MPP7: variants seen among roughly 807,000 people sequenced by gnomAD.
The protein encoded by MPP7 is MAGUK p55 subfamily member 7.
Under a neutral mutation model 76.5 loss-of-function variants are expected in MPP7, and 60 were observed. That is an observed-to-expected ratio of 0.78 (90% CI 0.64 to 0.97). The LOEUF is 0.97. Ranked by LOEUF, MPP7 falls within the 50% of genes least tolerant of loss-of-function variation. The probability of loss-of-function intolerance (pLI) is 0.00; values close to 1 mark genes in which losing one functional copy is unlikely to be tolerated. For synonymous variants in MPP7, 237 were observed against 244.5 expected, an observed-to-expected ratio of 0.97 and a Z score of 0.29; for missense variants, 641 against 694.0, an observed-to-expected ratio of 0.92 and a Z score of 0.86.
chr10:28,086,534 G>A (rs964931487), intron 12 of MPP7, among the ~76,000 whole-genome samples: 7 of 152,284 alleles, frequency 4.6e-5, no homozygotes, highest in Non-Finnish European at 7.3e-5. Context: ...CAGGAGAAGC[G>A]AAAATACCTC....
intron 5 of MPP7, among the ~76,000 whole-genome samples, chr10:28,137,719 T>C (rs1289318956): frequency 6.6e-6 from 1 of 152,242 alleles, no homozygotes; most frequent in Non-Finnish European, 1.5e-5. Flanking sequence ...TTCTTTAATA[T>C]ACAGACTTGC....
At chr10:28,113,849 A>G (rs1834579258) in intron 11 of MPP7, among the ~76,000 whole-genome samples, 1 of 152,214 alleles carries the variant, frequency 6.6e-6, no homozygotes, top group South Asian at 2.1e-4. Flanking sequence ...TGATTACTCA[A>G]GTCTCAGACT....
chr10:28,065,038 T>C (rs1002234387), intron 13 of MPP7, among the ~76,000 whole-genome samples: 1 of 152,212 alleles, frequency 6.6e-6, no homozygotes, highest in South Asian at 2.1e-4. Flanking sequence ...CATTACTTAA[T>C]CAGTTGTGTT....
intron 7 of MPP7, 106 bp from the exon 8 acceptor site, chr10:28,124,222 T>A (rs546529217): frequency 1.3e-6 from 1 of 762,528 alleles, no homozygotes; most frequent in South Asian, 1.5e-5. Context: ...TTAATACACT[T>A]AACGAATGGA....
intron 16 of MPP7, among the ~76,000 whole-genome samples, chr10:28,054,754 G>A (rs1471902298): frequency 1.3e-5 from 2 of 152,104 alleles, no homozygotes; most frequent in Non-Finnish European, 2.9e-5. Context: ...CTGGCTCACC[G>A]CAACCTCTGC....
intron 2 of MPP7, among the ~76,000 whole-genome samples, chr10:28,222,872 G>A (rs1838562945): frequency 7.0e-6 from 1 of 143,858 alleles, no homozygotes; most frequent in Non-Finnish European, 1.5e-5. Flanking sequence ...AAAACCTAGT[G>A]ATTTGGCTAA....
At position 28,051,516 on chromosome 10, in the gene MPP7, A is replaced by C. The variant is rs1193717870; in HGVS notation, c.*2549T>G. ...CTTTTTGGTCTTGATTTTTAAATATATGAATTTTAAAAAGTGAACGTTCCT... is the reference window on the plus strand; with the variant it reads ...CTTTTTGGTCTTGATTTTTAAATATCTGAATTTTAAAAAGTGAACGTTCCT... On this transcript the variant is annotated 3_prime_UTR_variant, in exon 17 of 17. Transcript: ENST00000683449. 1 of 152,188 alleles carries C rather than the reference A, an allele frequency of 6.6e-6. No homozygotes were observed. Among genetic ancestry groups the C allele is most frequent in the African/African-American group, 2.4e-5 (1 of 41,456 alleles). The allele number at this position is 152,188 out of a possible 1,614,324, so 9.4% of individuals were successfully genotyped here.
chr10:28,202,336 G>A, intron 2 of MPP7, 65 bp from the exon 3 acceptor site: 2 of 1,126,956 alleles, frequency 1.8e-6, no homozygotes, highest in East Asian at 2.5e-5. Flanking sequence ...CGCCTAAGGT[G>A]TGTGTAAATG....
intron 2 of MPP7, among the ~76,000 whole-genome samples, chr10:28,226,403 T>A (rs1355663460): frequency 1.3e-5 from 2 of 152,104 alleles, no homozygotes; most frequent in Admixed American, 1.3e-4. Flanking sequence ...CACACCACCA[T>A]GCCTAGCTAA....
At chr10:28,188,430 A>AT (rs1837304108) in intron 3 of MPP7, among the ~76,000 whole-genome samples, 1 of 152,172 alleles carries the variant, frequency 6.6e-6, no homozygotes, top group Non-Finnish European at 1.5e-5. Flanking sequence ...AGAGGTTATC[A>AT]TGGCACTTCC....
chr10:28,259,059 A>G (rs997818677), intron 1 of MPP7, among the ~76,000 whole-genome samples: 3 of 152,198 alleles, frequency 2.0e-5, no homozygotes, highest in Non-Finnish European at 4.4e-5. Context: ...TAGACAGCCC[A>G]CCACCATTCA....
intron 2 of MPP7, among the ~76,000 whole-genome samples, chr10:28,229,693 T>C (rs1447403797): frequency 1.3e-5 from 2 of 152,022 alleles, no homozygotes; most frequent in Admixed American, 1.3e-4. Flanking sequence ...ATCGAGACCA[T>C]CCTGGCTAAC....
At chr10:28,181,358 TAA>T in intron 3 of MPP7, among the ~76,000 whole-genome samples, 1 of 152,322 alleles carries the variant, frequency 6.6e-6, no homozygotes, top group Non-Finnish European at 1.5e-5. Context: ...ATATCAACAA[TAA>T]ACTTCATTTT....
chr10:28,270,585 T>C (rs1334041525), intron 1 of MPP7, among the ~76,000 whole-genome samples: 2 of 142,778 alleles, frequency 1.4e-5, no homozygotes, highest in Non-Finnish European at 3.0e-5. Flanking sequence ...CATCTATTGC[T>C]GGGTGGGGAA....
intron 5 of MPP7, among the ~76,000 whole-genome samples, chr10:28,137,711 C>T (rs1835391997): frequency 6.6e-6 from 1 of 152,092 alleles, no homozygotes; most frequent in African/African-American, 2.4e-5. Flanking sequence ...TGATTTTATT[C>T]TTTAATATAC....
chr10:28,136,909 G>GA (rs1339403674), intron 5 of MPP7, among the ~76,000 whole-genome samples: 1 of 152,106 alleles, frequency 6.6e-6, no homozygotes, highest in African/African-American at 2.4e-5. Context: ...CATCTCCAAA[G>GA]AAAGGGGGCA....
intron 1 of MPP7, among the ~76,000 whole-genome samples, chr10:28,276,722 T>C (rs2133068123): frequency 6.6e-6 from 1 of 152,228 alleles, no homozygotes; most frequent in African/African-American, 2.4e-5. Flanking sequence ...AAGTCACTGA[T>C]CTGATCACAG....
chr10:28,062,632 GAAT>G (rs1851839842), intron 13 of MPP7, among the ~76,000 whole-genome samples: 1 of 150,156 alleles, frequency 6.7e-6, no homozygotes, highest in African/African-American at 2.5e-5. Context: ...AGCATTAAGA[GAAT>G]AATGGCAGAC....
At chr10:28,310,002 C>CTTT (rs770667750) in intron 2 of MPP7, among the ~76,000 whole-genome samples, 13,470 of 111,106 alleles carry the variant, frequency 0.12, 1,041 homozygotes, top group African/African-American at 0.22. Flanking sequence ...CCAATTAAAC[C>CTTT]TTTTTTTTTT....
Sources: gnomAD v4.1 joint callset for allele counts (sites outside exome capture counted in the v4.1 genomes callset) on GRCh38, gnomAD v4.1.1 for gene constraint, MANE v1.5 for transcripts, NCBI Gene and HGNC (gene_info 2026-07-23, HGNC 2026-07-21) for gene names.